KCNIP4: variants seen among roughly 807,000 people sequenced by gnomAD.
The protein encoded by KCNIP4 is potassium voltage-gated channel interacting protein 4.
A neutral mutation model predicts 34.0 loss-of-function variants in KCNIP4; 12 were observed. The observed-to-expected ratio is 0.35, with a 90% CI of 0.23 to 0.57. The LOEUF is 0.57. Ranked by LOEUF, KCNIP4 falls within the 20% of genes least tolerant of loss-of-function variation. KCNIP4 has a pLI of 0.83. For missense variants in KCNIP4, 238 were observed against 311.7 expected (o/e 0.76, Z 1.78); for synonymous variants, 124 against 102.2 (o/e 1.21, Z -1.29).
At position 20,876,852 on chromosome 4, in the gene KCNIP4, G is replaced by A. The variant is rs377152573; in HGVS notation, c.163+5756C>T. Among the ~76,000 whole-genome samples, 6 of 152,246 alleles carry A rather than the reference G, an allele frequency of 3.9e-5. No individual in the cohort carries two copies. In the East Asian group the frequency reaches 5.8e-4, roughly 15 times the overall value. ...CTCCCAAAGTGCTGGGATTACAGGC[G>A]TGAGCCACCGCGCCTGGCCCATGAA... is the stretch of plus-strand genomic sequence containing the variant. On this transcript the variant is annotated intron_variant, in intron 2 of 8. Transcript: ENST00000382152.
At position 20,803,764 on chromosome 4, in the gene KCNIP4, AGGAAGGAC is replaced by A. The variant is rs1486984567; in HGVS notation, c.289-44882_289-44875del. ...AAGGAAGGAAGGAAGGAAAGAAGGA[AGGAAGGAC>A]GGAAAATAGAGAACAGAAAAACCAT... On this transcript the variant is annotated intron_variant, in intron 3 of 8. Coordinates refer to ENST00000382152, the MANE Select transcript of KCNIP4 (RefSeq NM_025221.6). Among the ~76,000 whole-genome samples the A allele has an allele frequency of 3.9e-4, 57 of 147,008 alleles. 1 individual carries two copies. The highest frequency in any genetic ancestry group is 1.2e-3 in the African/African-American group (49 of 39,668).
intron 1 of KCNIP4, among the ~76,000 whole-genome samples, chr4:20,979,113 A>G (rs1466203070): frequency 2.6e-5 from 4 of 152,186 alleles, no homozygotes; most frequent in Non-Finnish European, 5.9e-5. Context: ...TCCTTCCACT[A>G]TACCTATAGC....
intron 1 of KCNIP4, among the ~76,000 whole-genome samples, chr4:21,924,514 G>A (rs952869836): frequency 2.0e-5 from 3 of 152,020 alleles, no homozygotes; most frequent in African/African-American, 7.2e-5. Flanking sequence ...AAAGTGCTGG[G>A]ATTACAGGTG....
intron 1 of KCNIP4, among the ~76,000 whole-genome samples, chr4:21,261,349 C>CT (rs33991023): frequency 1.3e-5 from 2 of 152,066 alleles, no homozygotes; most frequent in African/African-American, 4.8e-5. Flanking sequence ...AAGATTATGT[C>CT]TTACAGAGCT....
intron 3 of KCNIP4, among the ~76,000 whole-genome samples, chr4:20,830,614 A>T (rs1314590134): frequency 6.6e-6 from 1 of 152,174 alleles, no homozygotes; most frequent in Non-Finnish European, 1.5e-5. Flanking sequence ...GGTATTTTAT[A>T]ATTACTCTGC....
intron 1 of KCNIP4, among the ~76,000 whole-genome samples, chr4:21,928,108 C>CTATATATA (rs144162392): frequency 0.025 from 3,634 of 142,562 alleles, 59 homozygotes; most frequent in Non-Finnish European, 0.037. Context: ...CCAGATTAGA[C>CTATATATA]TATATATATA....
intron 1 of KCNIP4, among the ~76,000 whole-genome samples, chr4:21,504,407 G>T (rs1733628103): frequency 6.8e-6 from 1 of 146,240 alleles, no homozygotes; most frequent in Non-Finnish European, 1.5e-5. Flanking sequence ...AGCAGAGGTT[G>T]CAGTGAACGG....
intron 1 of KCNIP4, among the ~76,000 whole-genome samples, chr4:21,243,512 G>T (rs1759996643): frequency 6.6e-6 from 1 of 152,154 alleles, no homozygotes; most frequent in Non-Finnish European, 1.5e-5. Context: ...TCACAGAATG[G>T]TTTAGAACCT....
intron 1 of KCNIP4, among the ~76,000 whole-genome samples, chr4:21,254,736 G>A (rs1466063589): frequency 2.6e-5 from 4 of 152,086 alleles, no homozygotes; most frequent in Non-Finnish European, 5.9e-5. Flanking sequence ...AGGCTGAGAA[G>A]AGGAAAATGA....
intron 1 of KCNIP4, among the ~76,000 whole-genome samples, chr4:21,274,502 C>A (rs1252513407): frequency 2.6e-5 from 4 of 152,156 alleles, no homozygotes; most frequent in Non-Finnish European, 4.4e-5. Flanking sequence ...TCACTCCCAA[C>A]TTAAATGTAG....
chr4:21,081,195 C>T (rs1429261154), intron 1 of KCNIP4, among the ~76,000 whole-genome samples: 1 of 151,712 alleles, frequency 6.6e-6, no homozygotes, highest in Non-Finnish European at 1.5e-5. Flanking sequence ...AGAGCCTCTC[C>T]AGTAAGAATG....
intron 1 of KCNIP4, among the ~76,000 whole-genome samples, chr4:21,799,536 A>G (rs975701338): frequency 6.6e-6 from 1 of 152,174 alleles, no homozygotes; most frequent in Non-Finnish European, 1.5e-5. Flanking sequence ...GTACAACAGC[A>G]CTCACTAAAA....
chr4:20,903,766 T>C (rs1226932962), intron 1 of KCNIP4, among the ~76,000 whole-genome samples: 1 of 152,164 alleles, frequency 6.6e-6, no homozygotes, highest in Non-Finnish European at 1.5e-5. Flanking sequence ...GTCACTCATA[T>C]TTGGCTTAGA....
chr4:21,924,094 T>C (rs927022048), intron 1 of KCNIP4, among the ~76,000 whole-genome samples: 15 of 152,238 alleles, frequency 9.9e-5, no homozygotes, highest in Admixed American at 4.6e-4. Flanking sequence ...TAATCACATA[T>C]CCAGAAAATT....
chr4:21,697,530 T>G (rs953998265), intron 1 of KCNIP4: 13 of 1,457,858 alleles, frequency 8.9e-6, no homozygotes, highest in Middle Eastern at 2.2e-4. Context: ...GAGGAGAAAC[T>G]TCTGTCTCAG....
chr4:21,497,864 G>A (rs16871224), intron 1 of KCNIP4, among the ~76,000 whole-genome samples: 3,630 of 151,978 alleles, frequency 0.024, 136 homozygotes, highest in African/African-American at 0.082. Flanking sequence ...CAATAAAAAC[G>A]TCATATCCAT....
At chr4:21,147,052 G>C (rs1246051333) in intron 1 of KCNIP4, among the ~76,000 whole-genome samples, 2 of 152,112 alleles carry the variant, frequency 1.3e-5, no homozygotes, top group Non-Finnish European at 2.9e-5. Flanking sequence ...TCCGTCCTGG[G>C]AGGTGGACCA....
chr4:21,538,395 A>G (rs1419140792), intron 1 of KCNIP4, among the ~76,000 whole-genome samples: 1 of 152,122 alleles, frequency 6.6e-6, no homozygotes, highest in Non-Finnish European at 1.5e-5. Flanking sequence ...GAGAATATGG[A>G]ACAATGGAGA....
chr4:21,025,543 G>GGTTTTT (rs1740458219), intron 1 of KCNIP4, among the ~76,000 whole-genome samples: 1 of 34,778 alleles, frequency 2.9e-5, no homozygotes, highest in Non-Finnish European at 5.1e-5. Flanking sequence ...CATTGATACT[G>GGTTTTT]TTTTTTTTTT....
Sources: allele counts gnomAD v4.1 joint callset (sites outside exome capture counted in the v4.1 genomes callset), GRCh38; gene constraint gnomAD v4.1.1; transcripts MANE v1.5; gene names NCBI Gene and HGNC (gene_info 2026-07-23, HGNC 2026-07-21).